Variants in MYO3B observed in about 807,000 individuals in gnomAD.
The protein encoded by MYO3B is myosin-IIIb.
In MYO3B, 156 loss-of-function variants were observed where a neutral mutation model predicts 174.6. The observed-to-expected ratio is 0.89, with a 90% CI of 0.78 to 1.02. The LOEUF is 1.02. MYO3B is among the 50% of genes least tolerant of loss of function. The pLI, the probability that MYO3B is intolerant of heterozygous loss-of-function variation, is 0.00. For synonymous variants in MYO3B, 563 were observed against 569.1 expected (o/e 0.99, Z 0.15); for missense variants, 1,632 against 1,639.4 (o/e 1.00, Z 0.08).
At chr2:170,253,394 G>T (rs1248123621) in intron 7 of MYO3B, among the ~76,000 whole-genome samples, 1 of 152,200 alleles carries the variant, frequency 6.6e-6, no homozygotes, top group Non-Finnish European at 1.5e-5. Flanking sequence ...GGTTGTGCAA[G>T]GAGCTAACTT....
At chr2:170,216,124 G>GCAGCGAACACAA (rs2092825374) in intron 5 of MYO3B, among the ~76,000 whole-genome samples, 1 of 151,964 alleles carries the variant, frequency 6.6e-6, no homozygotes, top group Non-Finnish European at 1.5e-5. Context: ...GAGAATGTCC[G>GCAGCGAACACAA]CAGTCATCCC....
intron 3 of MYO3B, among the ~76,000 whole-genome samples, chr2:170,207,646 A>G (rs1308053986): frequency 1.3e-5 from 2 of 150,766 alleles, no homozygotes; most frequent in East Asian, 3.9e-4. Flanking sequence ...ATTACCTATC[A>G]GTGAAGAGAG....
chr2:170,221,179 A>C (rs2092896011), intron 6 of MYO3B, among the ~76,000 whole-genome samples: 2 of 152,036 alleles, frequency 1.3e-5, no homozygotes, highest in African/African-American at 4.8e-5. Flanking sequence ...ATATGCTTTC[A>C]CTTCTGCTTG....
chr2:170,400,548 G>A (rs1161367276), intron 17 of MYO3B, among the ~76,000 whole-genome samples: 1 of 151,880 alleles, frequency 6.6e-6, no homozygotes, highest in African/African-American at 2.4e-5. Context: ...TGGATTACAG[G>A]CGCCTGCCAC....
At position 170,608,667 on chromosome 2, in the gene MYO3B, A is replaced by AAG. The variant is rs1013444433; in HGVS notation, c.3734-42945_3734-42944dup. ...GCTTCAGCTGGCTTATTCAAGCCCA[A>AAG]AGAGAGAGAGAGAGAGACAGACAGA... On this transcript the variant is annotated intron_variant, in intron 32 of 34. Transcript: ENST00000408978. 1.0e-3 allele frequency among the ~76,000 whole-genome samples: 150 copies of AAG among 150,446 alleles called. 1 individual carries two copies. The highest frequency in any genetic ancestry group is 2.9e-3 in the African/African-American group (118 of 41,336).
rs376101699 is a variant in MYO3B, at chr2:170,209,972, G to A, written c.322-4407G>A. Among the ~76,000 whole-genome samples the A allele has an allele frequency of 2.0e-5, 3 of 152,116 alleles. No individual in the cohort carries two copies. In the East Asian group the frequency reaches 5.8e-4, roughly 29 times the overall value. On this transcript the variant is annotated intron_variant, in intron 3 of 34. Transcript: ENST00000408978. ...TGTAGCATCCAAAAGCTAGGTGTCA[G>A]GAAAGGCAATTTTGAAACTGAAGTT...
chr2:170,493,958 C>A (rs1195778508), intron 25 of MYO3B, among the ~76,000 whole-genome samples: 8 of 152,232 alleles, frequency 5.3e-5, no homozygotes, highest in Non-Finnish European at 1.0e-4. Flanking sequence ...AAGATGACTG[C>A]AGCCATGGCT....
chr2:170,250,294 A>T (rs751861490), intron 7 of MYO3B, among the ~76,000 whole-genome samples: 5 of 152,216 alleles, frequency 3.3e-5, no homozygotes, highest in Non-Finnish European at 7.3e-5. Flanking sequence ...TTCACAATTG[A>T]TAAGAAAGGA....
chr2:170,363,249 T>C (rs547361787), intron 8 of MYO3B, among the ~76,000 whole-genome samples: 1 of 152,312 alleles, frequency 6.6e-6, no homozygotes, highest in African/African-American at 2.4e-5. Flanking sequence ...AGTTTTGATC[T>C]AGTTTTGCCC....
chr2:170,641,653 A>G (rs1697957439), intron 32 of MYO3B, among the ~76,000 whole-genome samples: 1 of 152,186 alleles, frequency 6.6e-6, no homozygotes, highest in Admixed American at 6.5e-5. Flanking sequence ...TATCTCTGGA[A>G]GACAGATATC....
chr2:170,280,863 G>A (rs2093503352), intron 7 of MYO3B, among the ~76,000 whole-genome samples: 1 of 152,090 alleles, frequency 6.6e-6, no homozygotes, highest in Admixed American at 6.6e-5. Context: ...GTACTATGCT[G>A]TTTTGGTTAC....
At chr2:170,239,819 G>C (rs1006258479) in intron 7 of MYO3B, among the ~76,000 whole-genome samples, 4 of 152,168 alleles carry the variant, frequency 2.6e-5, no homozygotes, top group Non-Finnish European at 5.9e-5. Context: ...CTGCTACAGC[G>C]AATGACCACA....
intron 8 of MYO3B, among the ~76,000 whole-genome samples, chr2:170,339,504 A>C (rs902616891): frequency 2.1e-4 from 32 of 152,148 alleles, no homozygotes; most frequent in African/African-American, 7.7e-4. Context: ...GATTATAGCT[A>C]TGTAGACAGG....
intron 32 of MYO3B, among the ~76,000 whole-genome samples, chr2:170,636,809 T>C (rs1697523014): frequency 6.6e-6 from 1 of 152,194 alleles, no homozygotes; most frequent in Admixed American, 6.5e-5. Flanking sequence ...ACCAAGTCCC[T>C]GAAAGAATGT....
In MYO3B at chr2:170,193,316, T is replaced by C. The variant is rs140100140; in HGVS notation, c.3-5892T>C. Among the ~76,000 whole-genome samples the C allele has an allele frequency of 1.7e-3, 258 of 152,216 alleles. 1 individual carries two copies. The highest frequency in any genetic ancestry group is 2.8e-3 in the Non-Finnish European group (190 of 67,948). On this transcript the variant is annotated intron_variant, in intron 1 of 34. Coordinates refer to ENST00000408978, the MANE Select transcript of MYO3B (RefSeq NM_138995.5). ...TAAAATAACCCTTTATGTTCTTTGATAGTTTTTAACTTTACTCTTTTCTGA... is the reference window on the plus strand; with the variant it reads ...TAAAATAACCCTTTATGTTCTTTGACAGTTTTTAACTTTACTCTTTTCTGA...
chr2:170,602,168 G>C (rs1393093906), intron 32 of MYO3B: 1 of 1,249,274 alleles, frequency 8.0e-7, no homozygotes, highest in African/African-American at 1.5e-5. Context: ...CGACAAGTTT[G>C]CACAAAAAAT....
At chr2:170,229,562 AATT>A (rs1222350493) in intron 6 of MYO3B, among the ~76,000 whole-genome samples, 2 of 152,218 alleles carry the variant, frequency 1.3e-5, no homozygotes, top group East Asian at 3.8e-4. Flanking sequence ...AAGTTTGATA[AATT>A]ATTTCTTATG....
At chr2:170,227,490 G>A (rs1180384997) in intron 6 of MYO3B, among the ~76,000 whole-genome samples, 2 of 152,018 alleles carry the variant, frequency 1.3e-5, no homozygotes, top group East Asian at 3.9e-4. Flanking sequence ...CCATCATGTT[G>A]CCCAGGCTGG....
chr2:170,278,051 A>C (rs947356540), intron 7 of MYO3B, among the ~76,000 whole-genome samples: 1 of 152,208 alleles, frequency 6.6e-6, no homozygotes, highest in Non-Finnish European at 1.5e-5. Flanking sequence ...GACTGTGGAT[A>C]GTTTATTAGA....
Sources: allele counts gnomAD v4.1 joint callset (sites outside exome capture counted in the v4.1 genomes callset), GRCh38; gene constraint gnomAD v4.1.1; transcripts MANE v1.5; gene names NCBI Gene and HGNC (gene_info 2026-07-23, HGNC 2026-07-21).